SCFD2: variants seen among roughly 807,000 people sequenced by gnomAD.
The protein encoded by SCFD2 is sec1 family domain-containing protein 2.
SCFD2 carries 54 observed loss-of-function variants against 58.9 expected under a neutral mutation model. The observed-to-expected ratio is 0.92, with a 90% CI of 0.74 to 1.15. The LOEUF is 1.15. Ranked by LOEUF, SCFD2 falls within the 50% of genes most tolerant of loss-of-function variation. The probability of loss-of-function intolerance (pLI) is 0.00; values close to 1 mark genes in which losing one functional copy is unlikely to be tolerated. For missense variants in SCFD2, 805 were observed against 836.6 expected (o/e 0.96, Z 0.47); for synonymous variants, 321 against 335.9 (o/e 0.96, Z 0.49).
At chr4:53,034,357 AAC>A (rs1722702411) in intron 5 of SCFD2, among the ~76,000 whole-genome samples, 1 of 152,152 alleles carries the variant, frequency 6.6e-6, no homozygotes, top group African/African-American at 2.4e-5. Context: ...ACAAACCCAC[AAC>A]CAATATCATA....
chr4:53,131,737 G>T (rs554037547), intron 5 of SCFD2, among the ~76,000 whole-genome samples: 1 of 152,116 alleles, frequency 6.6e-6, no homozygotes, highest in Non-Finnish European at 1.5e-5. Context: ...CCTCCTCCCC[G>T]CTGTGCTCTT....
chr4:53,205,318 C>T (rs928928405), intron 4 of SCFD2, among the ~76,000 whole-genome samples: 1 of 151,834 alleles, frequency 6.6e-6, no homozygotes, highest in African/African-American at 2.4e-5. Context: ...TGGATGTGCC[C>T]CATCAAATAA....
intron 4 of SCFD2, among the ~76,000 whole-genome samples, chr4:53,227,814 C>T (rs1490733111): frequency 6.6e-6 from 1 of 152,088 alleles, no homozygotes; most frequent in Non-Finnish European, 1.5e-5. Context: ...ATGAATCTGA[C>T]TTTATTTGTA....
intron 4 of SCFD2, among the ~76,000 whole-genome samples, chr4:53,258,381 T>G (rs1177826885): frequency 6.6e-6 from 1 of 151,936 alleles, no homozygotes; most frequent in Non-Finnish European, 1.5e-5. Context: ...TGTGTCTTCA[T>G]AGCCTAGTTC....
At chr4:52,966,283 G>A (rs1218152266) in intron 5 of SCFD2, among the ~76,000 whole-genome samples, 1 of 152,178 alleles carries the variant, frequency 6.6e-6, no homozygotes, top group Non-Finnish European at 1.5e-5. Flanking sequence ...CTGATTATAC[G>A]TGTGTTTTTT....
At chr4:53,144,958 T>C (rs1286666934) in intron 5 of SCFD2, among the ~76,000 whole-genome samples, 2 of 152,226 alleles carry the variant, frequency 1.3e-5, no homozygotes, top group Admixed American at 1.3e-4. Context: ...CAAGCATTAC[T>C]GCCTGAGCTC....
At chr4:53,210,321 A>C (rs1728568972) in intron 4 of SCFD2, among the ~76,000 whole-genome samples, 1 of 152,096 alleles carries the variant, frequency 6.6e-6, no homozygotes, top group Non-Finnish European at 1.5e-5. Flanking sequence ...TGTGTAGGCC[A>C]ATAGTTCTCA....
chr4:52,881,397 G>A (rs1376631222), intron 8 of SCFD2, among the ~76,000 whole-genome samples: 1 of 152,202 alleles, frequency 6.6e-6, no homozygotes, highest in African/African-American at 2.4e-5. Context: ...ACCCATCTAT[G>A]TCTGTTGTCC....
At chr4:52,952,430 C>T (rs1353927962) in intron 5 of SCFD2, among the ~76,000 whole-genome samples, 1 of 152,058 alleles carries the variant, frequency 6.6e-6, no homozygotes, top group Non-Finnish European at 1.5e-5. Flanking sequence ...GAATGAATAG[C>T]TTCAGACTTG....
intron 4 of SCFD2, among the ~76,000 whole-genome samples, chr4:53,185,844 T>G (rs1326130115): frequency 6.6e-6 from 1 of 152,052 alleles, no homozygotes; most frequent in Non-Finnish European, 1.5e-5. Context: ...TGGCTCCAAG[T>G]TAATTAAATT....
intron 5 of SCFD2, among the ~76,000 whole-genome samples, chr4:53,037,666 C>A (rs1722799323): frequency 6.6e-6 from 1 of 152,104 alleles, no homozygotes; most frequent in Non-Finnish European, 1.5e-5. Context: ...AAATGGCCAA[C>A]CAATATGACA....
chr4:53,096,472 T>C (rs925610255), intron 5 of SCFD2, among the ~76,000 whole-genome samples: 2 of 152,392 alleles, frequency 1.3e-5, no homozygotes, highest in African/African-American at 4.8e-5. Context: ...TGGCCAGTGA[T>C]GATGAGCATT....
chr4:53,053,692 C>G (rs572142186), intron 5 of SCFD2, among the ~76,000 whole-genome samples: 5 of 152,284 alleles, frequency 3.3e-5, no homozygotes, highest in African/African-American at 1.2e-4. Flanking sequence ...AGAGAGGACT[C>G]GGCCTGCTGT....
At chr4:53,250,367 C>A (rs1440684676) in intron 4 of SCFD2, among the ~76,000 whole-genome samples, 1 of 152,082 alleles carries the variant, frequency 6.6e-6, no homozygotes, top group Non-Finnish European at 1.5e-5. Flanking sequence ...CTTTAACACC[C>A]CACTGTCAAC....
At chr4:53,345,317 A>G (rs1734024132) in intron 2 of SCFD2, among the ~76,000 whole-genome samples, 1 of 152,242 alleles carries the variant, frequency 6.6e-6, no homozygotes. Flanking sequence ...AAAAGAGGAC[A>G]TTTATGCAGC....
At chr4:53,174,417 C>A (rs1436674186) in intron 4 of SCFD2, among the ~76,000 whole-genome samples, 1 of 152,050 alleles carries the variant, frequency 6.6e-6, no homozygotes, top group Non-Finnish European at 1.5e-5. Flanking sequence ...AATATATATA[C>A]ATACACATCT....
At chr4:52,959,665 A>T (rs138871456) in intron 5 of SCFD2, among the ~76,000 whole-genome samples, 21 of 152,274 alleles carry the variant, frequency 1.4e-4, no homozygotes, top group East Asian at 3.9e-4. Flanking sequence ...ACACAGGCAC[A>T]TTCCTCCTCC....
chr4:52,935,113 G>A (rs974110577), intron 5 of SCFD2, among the ~76,000 whole-genome samples: 14 of 152,272 alleles, frequency 9.2e-5, no homozygotes, highest in South Asian at 4.2e-4. Context: ...CACAGCAGTA[G>A]AATGTAAGCC....
intron 4 of SCFD2, among the ~76,000 whole-genome samples, chr4:53,244,001 A>T (rs1214064189): frequency 1.3e-5 from 2 of 152,048 alleles, no homozygotes; most frequent in Non-Finnish European, 2.9e-5. Context: ...ATAATAGAAA[A>T]TACATTATAG....
Sources: allele counts gnomAD v4.1 joint callset (sites outside exome capture counted in the v4.1 genomes callset), GRCh38; gene constraint gnomAD v4.1.1; transcripts MANE v1.5; gene names NCBI Gene and HGNC (gene_info 2026-07-23, HGNC 2026-07-21).